Variants in ELF1 observed in about 807,000 individuals in gnomAD.
The protein encoded by ELF1 is ETS-related transcription factor Elf-1.
Under a neutral mutation model 59.9 loss-of-function variants are expected in ELF1, and 24 were observed. The ratio of observed to expected loss-of-function variants is 0.40; its 90% CI spans 0.29 to 0.56. The LOEUF (loss-of-function observed/expected upper bound fraction) is 0.56, where lower values mean the gene tolerates loss of function less well. ELF1 is among the 20% of genes least tolerant of loss of function. The probability of loss-of-function intolerance (pLI) is 0.44; values close to 1 mark genes in which losing one functional copy is unlikely to be tolerated. For synonymous variants in ELF1, 248 were observed against 266.2 expected (o/e 0.93, Z 0.67); for missense variants, 627 against 742.2 (o/e 0.84, Z 1.80).
At chr13:41,026,809 G>A (rs556895795) in intron 1 of ELF1, among the ~76,000 whole-genome samples, 2 of 152,280 alleles carry the variant, frequency 1.3e-5, no homozygotes, top group East Asian at 1.9e-4. Flanking sequence ...TTGGGCCTGC[G>A]TAGGTCCTAA....
chr13:40,948,836 G>T (rs1870664309), intron 5 of ELF1, among the ~76,000 whole-genome samples: 1 of 152,114 alleles, frequency 6.6e-6, no homozygotes, highest in Non-Finnish European at 1.5e-5. Flanking sequence ...CAGACTGGAG[G>T]CTTTCAAACA....
intron 1 of ELF1, among the ~76,000 whole-genome samples, chr13:41,016,415 T>C (rs2138379522): frequency 6.6e-6 from 1 of 152,242 alleles, no homozygotes. Flanking sequence ...TACCAAACAA[T>C]TCTCTTATTT....
At chr13:40,953,669 C>T (rs75021723) in intron 3 of ELF1, among the ~76,000 whole-genome samples, 37 of 152,294 alleles carry the variant, frequency 2.4e-4, no homozygotes, top group Non-Finnish European at 4.6e-4. Context: ...TCATCTGAAG[C>T]GCCACCTAAC....
chr13:41,041,148 T>C (rs980680041), intron 1 of ELF1, among the ~76,000 whole-genome samples: 2 of 150,108 alleles, frequency 1.3e-5, no homozygotes, highest in Admixed American at 6.7e-5. Flanking sequence ...GGAAGCATCA[T>C]GGCTAGAATG....
At position 41,035,417 on chromosome 13, in the gene ELF1, T is replaced by C. The variant is rs199726906; in HGVS notation, c.-229+25421A>G. On this transcript the variant is annotated intron_variant, in intron 1 of 1. Transcript: ENST00000405737. ...GGCTCAATGATAAACCTTTTTTTTTTCCCTTTTCCACCCAATTGAACCATT... is the reference window on the plus strand; with the variant it reads ...GGCTCAATGATAAACCTTTTTTTTTCCCCTTTTCCACCCAATTGAACCATT... Among the ~76,000 whole-genome samples the C allele has an allele frequency of 2.5e-3, 384 of 152,260 alleles. 2 individuals are homozygous for C. The highest frequency in any genetic ancestry group is 8.7e-3 in the African/African-American group (362 of 41,542).
rs1008640644 is a variant in ELF1 at position 41,000,881 on chromosome 13, TA to T, written c.-229+18346del. On this transcript the variant is annotated intron_variant, in intron 1 of 8. Coordinates refer to ENST00000239882, the MANE Select transcript of ELF1 (RefSeq NM_172373.4). ...TAGGAAAGATGATAAAAATAAATCA[TA>T]AAATAAATAATTAGATACAACGCAA... is the stretch of plus-strand genomic sequence containing the variant. 6.6e-4 allele frequency among the ~76,000 whole-genome samples: 101 copies of T among 151,950 alleles called. 1 individual carries two copies. Among genetic ancestry groups the T allele is most frequent in the African/African-American group, 2.4e-3 (100 of 41,442 alleles).
In ELF1 at chr13:41,000,993, C is replaced by G. The variant is rs191588161; in HGVS notation, c.-229+18235G>C. On this transcript the variant is annotated intron_variant, in intron 1 of 8. Transcript: ENST00000239882. ...AGGAAAAACACTTTTTTTTTTTTTT[C>G]TGAGACAGAGTCTCACTCTGTCGCC... Among the ~76,000 whole-genome samples, 349 of 125,878 alleles carry G rather than the reference C, an allele frequency of 2.8e-3. 2 individuals are homozygous for G. The highest frequency in any genetic ancestry group is 0.011 in the African/African-American group (327 of 30,302). The allele number at this position is 125,878 out of a possible 152,430, so 82.6% of individuals were successfully genotyped here. A position where few individuals can be genotyped will look rare whatever the true frequency, so the allele number is the denominator to read the frequency against.
At chr13:40,953,966 C>T (rs571748143) in intron 3 of ELF1, among the ~76,000 whole-genome samples, 39 of 152,278 alleles carry the variant, frequency 2.6e-4, no homozygotes, top group African/African-American at 9.4e-4. Context: ...AGACATTGGT[C>T]CTCAACTTAC....
intron 2 of ELF1, among the ~76,000 whole-genome samples, chr13:40,975,849 T>A: frequency 6.6e-6 from 1 of 152,106 alleles, no homozygotes; most frequent in East Asian, 1.9e-4. Flanking sequence ...ATTCAACAGA[T>A]TTTAAAAAGA....
At chr13:40,947,612 T>C (rs1291390050) in intron 5 of ELF1, among the ~76,000 whole-genome samples, 2 of 152,208 alleles carry the variant, frequency 1.3e-5, no homozygotes, top group Non-Finnish European at 2.9e-5. Context: ...GCCAAGTAAT[T>C]AACACAGATG....
intron 1 of ELF1, among the ~76,000 whole-genome samples, chr13:40,991,709 A>C (rs1873862597): frequency 6.6e-6 from 1 of 152,194 alleles, no homozygotes; most frequent in African/African-American, 2.4e-5. Context: ...ACTCATTTAT[A>C]TATTTAGCAA....
At chr13:41,057,400 T>C (rs1183246820) in intron 1 of ELF1, among the ~76,000 whole-genome samples, 3 of 151,770 alleles carry the variant, frequency 2.0e-5, no homozygotes, top group South Asian at 2.1e-4. Context: ...CTCTTTTTTT[T>C]CCCCCCACCC....
At chr13:40,974,347 C>T (rs1432382060) in intron 2 of ELF1, among the ~76,000 whole-genome samples, 1 of 152,140 alleles carries the variant, frequency 6.6e-6, no homozygotes, top group Non-Finnish European at 1.5e-5. Context: ...CTTTTCACCA[C>T]TTACATGTTG....
chr13:40,984,648 A>G (rs997511174), intron 1 of ELF1, among the ~76,000 whole-genome samples: 1 of 152,232 alleles, frequency 6.6e-6, no homozygotes, highest in Non-Finnish European at 1.5e-5. Context: ...TACTTCTGAT[A>G]AAGAGGAAAC....
intron 1 of ELF1, among the ~76,000 whole-genome samples, chr13:41,001,342 C>A (rs1377886525): frequency 1.3e-5 from 2 of 151,972 alleles, no homozygotes; most frequent in African/African-American, 2.4e-5. Flanking sequence ...AATCCCAACA[C>A]CTTGAGATGC....
chr13:41,041,260 C>CAAAA (rs11326566), intron 1 of ELF1, among the ~76,000 whole-genome samples: 1 of 115,276 alleles, frequency 8.7e-6, no homozygotes, highest in African/African-American at 3.4e-5. Context: ...CTGGTTTCAT[C>CAAAA]AAAAAAAAAA....
chr13:40,934,618 C>A (rs1412223718), intron 8 of ELF1, among the ~76,000 whole-genome samples: 2 of 151,868 alleles, frequency 1.3e-5, no homozygotes, highest in African/African-American at 2.4e-5. Flanking sequence ...ATGGGGTTTT[C>A]TATGTTGGTC....
chr13:40,993,406 G>T lies in ELF1; in HGVS notation c.-228-11124C>A, dbSNP rs1028157755. ...CACCGATGGGTCTGGGGGGAGCGGG[G>T]CTGGGCGGCTCTGTCCTCTAGCGGA... On this transcript the variant is annotated intron_variant, in intron 1 of 8. Transcript: ENST00000239882. The T allele has an allele frequency of 3.1e-5, 24 of 763,884 alleles. No homozygotes were observed. In the Admixed American group the frequency reaches 4.4e-4, roughly 14 times the overall value. The allele number at this position is 763,884 out of a possible 1,614,324, so 47.3% of individuals were successfully genotyped here. A position where few individuals can be genotyped will look rare whatever the true frequency, so the allele number is the denominator to read the frequency against.
intron 1 of ELF1, among the ~76,000 whole-genome samples, chr13:41,042,559 T>C (rs796663421): frequency 2.0e-5 from 3 of 152,028 alleles, no homozygotes; most frequent in Non-Finnish European, 2.9e-5. Flanking sequence ...ACATGCGGTG[T>C]TTGGTTTTTT....
Sources: allele counts gnomAD v4.1 joint callset (sites outside exome capture counted in the v4.1 genomes callset), GRCh38; gene constraint gnomAD v4.1.1; transcripts MANE v1.5; gene names NCBI Gene and HGNC (gene_info 2026-07-23, HGNC 2026-07-21).